Variants in SLC4A4 observed in about 807,000 individuals in gnomAD.
The protein encoded by SLC4A4 is electrogenic sodium bicarbonate cotransporter 1.
In SLC4A4, 27 loss-of-function variants were observed where a neutral mutation model predicts 111.5. The observed-to-expected ratio is 0.24, with a 90% CI of 0.18 to 0.33. The LOEUF is 0.33. SLC4A4 is among the 10% of genes least tolerant of loss of function. The probability of loss-of-function intolerance (pLI) is 1.00; values close to 1 mark genes in which losing one functional copy is unlikely to be tolerated. For synonymous variants in SLC4A4, 443 were observed against 463.4 expected (o/e 0.96, Z 0.57); for missense variants, 909 against 1,315.5 (o/e 0.69, Z 4.78).
intron 15 of SLC4A4, among the ~76,000 whole-genome samples, chr4:71,495,320 T>G (rs1730308420): frequency 6.6e-6 from 1 of 152,118 alleles, no homozygotes; most frequent in African/African-American, 2.4e-5. Context: ...CTGCTGGTAT[T>G]AAAGTGCTGA....
At chr4:71,548,840 T>C (rs1735757273) in intron 20 of SLC4A4, among the ~76,000 whole-genome samples, 1 of 151,920 alleles carries the variant, frequency 6.6e-6, no homozygotes, top group African/African-American at 2.4e-5. Context: ...TCAGATGAAA[T>C]TGAGGAAAGT....
intron 7 of SLC4A4, chr4:71,434,433 C>A: frequency 5.0e-6 from 1 of 199,560 alleles, no homozygotes; most frequent in East Asian, 1.2e-4. Context: ...CTAAATTTCC[C>A]AAAGTCTTTC....
At chr4:71,501,813 C>A (rs1339835941) in intron 16 of SLC4A4, among the ~76,000 whole-genome samples, 1 of 151,716 alleles carries the variant, frequency 6.6e-6, no homozygotes, top group Middle Eastern at 3.2e-3. Flanking sequence ...AGGGGCGTGC[C>A]ACCATGGGAC....
chr4:71,276,805 T>A (rs542024174), intron 3 of SLC4A4, among the ~76,000 whole-genome samples: 1 of 152,190 alleles, frequency 6.6e-6, no homozygotes, highest in Admixed American at 6.5e-5. Flanking sequence ...CCCAGCACTT[T>A]GAGAGGTGGA....
chr4:71,510,377 T>TA (rs1372764929), intron 16 of SLC4A4, among the ~76,000 whole-genome samples: 2 of 152,210 alleles, frequency 1.3e-5, no homozygotes, highest in Non-Finnish European at 2.9e-5. Flanking sequence ...ATTTGCTATT[T>TA]TGGTCCCTTT....
intron 1 of SLC4A4, among the ~76,000 whole-genome samples, chr4:71,219,802 A>G (rs534322595): frequency 2.6e-5 from 4 of 152,110 alleles, no homozygotes; most frequent in East Asian, 1.9e-4. Context: ...CATTACTTCG[A>G]TGGAGAAAGT....
intron 2 of SLC4A4, among the ~76,000 whole-genome samples, chr4:71,095,870 A>G (rs907143742): frequency 5.3e-5 from 8 of 152,220 alleles, no homozygotes; most frequent in African/African-American, 1.9e-4. Flanking sequence ...TGGAAGGGAT[A>G]TGTAGTCTGA....
chr4:71,206,481 T>C (rs1011456145), intron 1 of SLC4A4, among the ~76,000 whole-genome samples: 1 of 152,210 alleles, frequency 6.6e-6, no homozygotes, highest in African/African-American at 2.4e-5. Context: ...TTATAAGTGC[T>C]TATCTAGGAA....
At chr4:71,175,545 T>A (rs995232856) in intron 2 of SLC4A4, among the ~76,000 whole-genome samples, 1 of 152,228 alleles carries the variant, frequency 6.6e-6, no homozygotes, top group African/African-American at 2.4e-5. Context: ...CGCGCGTGGC[T>A]TGGAGGGTCC....
intron 15 of SLC4A4, among the ~76,000 whole-genome samples, chr4:71,492,235 A>G (rs1056061087): frequency 6.6e-6 from 1 of 151,856 alleles, no homozygotes; most frequent in Non-Finnish European, 1.5e-5. Flanking sequence ...GAAGCCCCAT[A>G]TACGCATCAC....
intron 2 of SLC4A4, among the ~76,000 whole-genome samples, chr4:71,151,719 G>A (rs1744315785): frequency 6.7e-6 from 1 of 149,328 alleles, no homozygotes; most frequent in Non-Finnish European, 1.5e-5. Flanking sequence ...GGGAGTTCAA[G>A]GCTAGCTTGG....
chr4:71,412,960 G>C (rs1721494856), intron 7 of SLC4A4, among the ~76,000 whole-genome samples: 1 of 152,160 alleles, frequency 6.6e-6, no homozygotes, highest in Non-Finnish European at 1.5e-5. Flanking sequence ...GGAGTGAAGG[G>C]ATCTCAGGTC....
At chr4:71,109,540 ATTTTTC>A (rs1298383409) in intron 2 of SLC4A4, among the ~76,000 whole-genome samples, 1 of 150,080 alleles carries the variant, frequency 6.7e-6, no homozygotes, top group East Asian at 2.0e-4. Flanking sequence ...TTTTATTTTT[ATTTTTC>A]TACCTTTTTT....
In SLC4A4 at chr4:71,454,622, A is replaced by G. The variant is rs145504316; in HGVS notation, c.1497+953A>G. 2.5e-3 allele frequency among the ~76,000 whole-genome samples: 383 copies of G among 152,190 alleles called. 2 individuals carry two copies. The highest frequency in any genetic ancestry group is 8.7e-3 in the African/African-American group (360 of 41,536). ...TTGGTTTTCTTTCCTGGGCACATGCATATTTTAGATTTTTGTCTAAATACA... is the reference window on the plus strand; with the variant it reads ...TTGGTTTTCTTTCCTGGGCACATGCGTATTTTAGATTTTTGTCTAAATACA... On this transcript the variant is annotated intron_variant, in intron 12 of 25. Coordinates refer to ENST00000264485, the MANE Select transcript of SLC4A4 (RefSeq NM_001098484.3).
intron 15 of SLC4A4, among the ~76,000 whole-genome samples, chr4:71,496,754 C>A (rs1403959546): frequency 6.6e-6 from 1 of 151,900 alleles, no homozygotes; most frequent in Admixed American, 6.6e-5. Flanking sequence ...CAGCACTGAC[C>A]CCACAACAGC....
intron 1 of SLC4A4, among the ~76,000 whole-genome samples, chr4:71,222,798 G>GAAAAACCA (rs1206075210): frequency 6.6e-6 from 1 of 152,182 alleles, no homozygotes; most frequent in Non-Finnish European, 1.5e-5. Context: ...TAGTAGTGCA[G>GAAAAACCA]CCCACGTGGT....
At chr4:71,153,062 A>G (rs34038307) in intron 2 of SLC4A4, among the ~76,000 whole-genome samples, 53,204 of 146,486 alleles carry the variant, frequency 0.36, 14,938 homozygotes, top group African/African-American at 0.77. Flanking sequence ...TAAAAATAAA[A>G]GGAAGTTTAT....
chr4:71,322,175 T>C (rs1288882304), intron 3 of SLC4A4, among the ~76,000 whole-genome samples: 4 of 152,014 alleles, frequency 2.6e-5, no homozygotes, highest in Non-Finnish European at 5.9e-5. Context: ...CAGGCATCCA[T>C]GTAACATTTC....
intron 15 of SLC4A4, among the ~76,000 whole-genome samples, chr4:71,495,928 A>G (rs1175383044): frequency 2.0e-5 from 3 of 152,082 alleles, no homozygotes; most frequent in African/African-American, 4.8e-5. Flanking sequence ...GATAGGTACA[A>G]TTTTGAAAAT....
Sources: allele counts gnomAD v4.1 joint callset (sites outside exome capture counted in the v4.1 genomes callset), GRCh38; gene constraint gnomAD v4.1.1; transcripts MANE v1.5; gene names NCBI Gene and HGNC (gene_info 2026-07-23, HGNC 2026-07-21).